GRIK4: variants seen among roughly 807,000 people sequenced by gnomAD.
GRIK4 encodes the protein glutamate receptor ionotropic, kainate 4.
Under a neutral mutation model 104.9 loss-of-function variants are expected in GRIK4, and 40 were observed. The observed-to-expected ratio is 0.38, with a 90% CI of 0.30 to 0.50. The LOEUF is 0.50. Among genes scored for constraint, GRIK4 ranks in the 20% least tolerant of loss-of-function variants. The pLI is 0.93. For missense variants in GRIK4, 1,047 were observed against 1,308.1 expected (o/e 0.80, Z 3.08); for synonymous variants, 485 against 524.9 (o/e 0.92, Z 1.04).
At chr11:120,907,129 C>G (rs1424662872) in intron 13 of GRIK4, among the ~76,000 whole-genome samples, 1 of 152,230 alleles carries the variant, frequency 6.6e-6, no homozygotes, top group African/African-American at 2.4e-5. Context: ...AGACCCACTC[C>G]TGAAACATTC....
chr11:120,677,329 A>G (rs1950114080), intron 3 of GRIK4, among the ~76,000 whole-genome samples: 1 of 152,188 alleles, frequency 6.6e-6, no homozygotes, highest in Admixed American at 6.5e-5. Flanking sequence ...CATGGGGTCT[A>G]GAGAGAATAA....
chr11:120,855,433 T>A (rs1161561397), intron 8 of GRIK4, among the ~76,000 whole-genome samples: 11 of 152,208 alleles, frequency 7.2e-5, no homozygotes, highest in African/African-American at 2.7e-4. Flanking sequence ...TGGTGGTCAG[T>A]AAATTGTAGT....
At chr11:120,673,874 C>G (rs899642557) in intron 3 of GRIK4, among the ~76,000 whole-genome samples, 1 of 152,168 alleles carries the variant, frequency 6.6e-6, no homozygotes, top group African/African-American at 2.4e-5. Flanking sequence ...TCCTTAGATT[C>G]ACAAAATCTG....
intron 4 of GRIK4, among the ~76,000 whole-genome samples, chr11:120,814,970 C>T (rs1394413949): frequency 3.3e-5 from 5 of 152,212 alleles, no homozygotes; most frequent in Non-Finnish European, 5.9e-5. Flanking sequence ...CCCAGACTCT[C>T]TTTATATTTG....
intron 1 of GRIK4, among the ~76,000 whole-genome samples, chr11:120,624,350 G>A (rs1053780680): frequency 1.3e-5 from 2 of 151,928 alleles, no homozygotes; most frequent in Non-Finnish European, 2.9e-5. Flanking sequence ...GTAGTGTTGG[G>A]ACCTCCATTG....
At chr11:120,883,506 G>A (rs535595476) in intron 11 of GRIK4, among the ~76,000 whole-genome samples, 119 of 152,292 alleles carry the variant, frequency 7.8e-4, no homozygotes, top group African/African-American at 2.7e-3. Context: ...AGGCTCTCCT[G>A]TCCACCCCAG....
At chr11:120,646,661 G>C (rs952385608) in intron 1 of GRIK4, among the ~76,000 whole-genome samples, 8 of 152,106 alleles carry the variant, frequency 5.3e-5, no homozygotes, top group African/African-American at 1.9e-4. Flanking sequence ...ATTGTCCTAG[G>C]TGTTTTGAAG....
chr11:120,676,478 C>A (rs1432817007), intron 3 of GRIK4, among the ~76,000 whole-genome samples: 2 of 152,202 alleles, frequency 1.3e-5, no homozygotes, highest in Non-Finnish European at 2.9e-5. Context: ...GCCCTGGCTT[C>A]TGGTGAGAGC....
rs1319848737 is a variant in GRIK4 at position 120,580,253 on chromosome 11, T to TTC, written c.-159+68367_-159+68368insCT. On this transcript the variant is annotated intron_variant, in intron 1 of 20. Transcript: ENST00000527524. Reference sequence around the variant, plus strand: ...TTTCTTTCTTTCTTTCTTTCTTTCTTTTTCTTTCTTTCTTTCCTTTCTTTC... The same window carrying TTC: ...TTTCTTTCTTTCTTTCTTTCTTTCTTTCTTTCTTTCTTTCTTTCCTTTCTTTC... 5.1e-5 allele frequency among the ~76,000 whole-genome samples: 6 copies of TTC among 117,540 alleles called. No homozygotes were observed. In the South Asian group the frequency reaches 1.0e-3, roughly 20 times the overall value. The allele number at this position is 117,540 out of a possible 152,430, so 77.1% of individuals were successfully genotyped here.
chr11:120,620,743 T>C (rs1949176599), intron 1 of GRIK4, among the ~76,000 whole-genome samples: 1 of 152,228 alleles, frequency 6.6e-6, no homozygotes, highest in African/African-American at 2.4e-5. Context: ...GGTATTGTAG[T>C]ATTATTACTA....
At position 120,819,699 on chromosome 11, in the gene GRIK4, C is replaced by T. The variant is rs1228359395; in HGVS notation, c.346-56C>T. On this transcript the variant is annotated intron_variant, in intron 5 of 20. Coordinates refer to ENST00000527524, the MANE Select transcript of GRIK4 (RefSeq NM_014619.5). The surrounding 1 kb of genome is among the most constrained non-coding windows in gnomAD (Gnocchi z 4.3). Reference sequence around the variant, plus strand: ...AACCTCAGCTCACTCATCCCTCTTTCTTCCTTTTCACCCACCTGGATCCTC... The same window carrying T: ...AACCTCAGCTCACTCATCCCTCTTTTTTCCTTTTCACCCACCTGGATCCTC... 1.6e-5 allele frequency: 25 copies of T among 1,553,954 alleles called. No homozygotes were observed. Among genetic ancestry groups the T allele is most frequent in the Non-Finnish European group, 2.1e-5 (24 of 1,126,364 alleles).
chr11:120,638,225 C>A (rs1374518295), intron 1 of GRIK4, among the ~76,000 whole-genome samples: 1 of 152,076 alleles, frequency 6.6e-6, no homozygotes, highest in African/African-American at 2.4e-5. Context: ...TACTATGTGC[C>A]AGGCACTCTT....
At chr11:120,714,727 G>T (rs1355152909) in intron 3 of GRIK4, among the ~76,000 whole-genome samples, 2 of 152,202 alleles carry the variant, frequency 1.3e-5, no homozygotes, top group Non-Finnish European at 2.9e-5. Context: ...AAGGGGACAT[G>T]GAACAGTGCT....
chr11:120,982,162 G>A lies in GRIK4; in HGVS notation c.2452G>A (p.Val818Met), dbSNP rs377052814. 39 of 1,613,408 alleles carry A rather than the reference G, an allele frequency of 2.4e-5. No homozygotes were observed. The highest frequency in any genetic ancestry group is 8.8e-5 in the South Asian group (8 of 91,080). The change falls in exon 20 of 21, where the codon GTG becomes ATG. Residue 818 changes from valine (V) to methionine (M), a missense_variant. Around this residue, in one of 3 missense-constraint regions of GRIK4, gnomAD observed 440 missense variants for 652.3 expected, o/e 0.67. Coordinates refer to ENST00000527524, the MANE Select transcript of GRIK4 (RefSeq NM_014619.5). ...TGTGGTTCTTATTTGTGGCTTAATCGTGGCCATTTTTATGGCTATGTTGGA... is the reference window on the plus strand; with the variant it reads ...TGTGGTTCTTATTTGTGGCTTAATCATGGCCATTTTTATGGCTATGTTGGA... ...IFVVLICGLI[V>M]AIFMAMLEFL...
Position 120,660,264 on chromosome 11 carries a change from C to T in GRIK4, c.-50-5C>T, listed in dbSNP as rs6589829. 0.6 allele frequency: 783,778 copies of T among 1,317,272 alleles called. 239,169 individuals carry two copies. Among genetic ancestry groups the T allele is most frequent in the East Asian group, 0.69 (30,074 of 43,352 alleles). 81.6% of individuals were successfully genotyped at this position (1,317,272 alleles called of 1,614,324 possible). A position where few individuals can be genotyped will look rare whatever the true frequency, so the allele number is the denominator to read the frequency against. ...CTCACGTGCCCCCAACCCCCTCTCT[C>T]GCAGAGTTATGTCATGCCCAGGCCA... On this transcript the variant is annotated splice_region_variant and splice_polypyrimidine_tract_variant and intron_variant, in intron 2 of 20. Transcript: ENST00000527524.
intron 13 of GRIK4, among the ~76,000 whole-genome samples, chr11:120,913,079 A>C (rs1350945494): frequency 6.6e-6 from 1 of 152,238 alleles, no homozygotes; most frequent in Non-Finnish European, 1.5e-5. Flanking sequence ...TTACAGCAGC[A>C]CTGTGAAGTA....
At chr11:120,850,256 C>T (rs548908095) in intron 8 of GRIK4, among the ~76,000 whole-genome samples, 6 of 152,100 alleles carry the variant, frequency 3.9e-5, no homozygotes, top group East Asian at 1.9e-4. Context: ...CGTCATATAG[C>T]GTAACCTAAT....
At chr11:120,579,742 C>G (rs1948543243) in intron 1 of GRIK4, among the ~76,000 whole-genome samples, 2 of 152,074 alleles carry the variant, frequency 1.3e-5, no homozygotes, top group African/African-American at 4.8e-5. Flanking sequence ...TGTACAGTTT[C>G]AGGTTTTTAT....
intron 3 of GRIK4, among the ~76,000 whole-genome samples, chr11:120,747,438 G>A (rs1433559787): frequency 1.3e-5 from 2 of 152,172 alleles, no homozygotes; most frequent in Non-Finnish European, 2.9e-5. Context: ...TGTTAGCAGT[G>A]ATGAAAATGT....
Sources: allele counts gnomAD v4.1 joint callset (sites outside exome capture counted in the v4.1 genomes callset), GRCh38; gene constraint gnomAD v4.1.1; regional missense constraint gnomAD v4.1.1; non-coding constraint Gnocchi (gnomAD v3.1); transcripts MANE v1.5; gene names NCBI Gene and HGNC (gene_info 2026-07-23, HGNC 2026-07-21).